GEMIN8: variants seen among roughly 807,000 people sequenced by gnomAD.
GEMIN8 encodes gem nuclear organelle associated protein 8, also known as gem-associated protein 8.
For missense variants in GEMIN8, 185 were observed against 205.9 expected (o/e 0.90, Z 0.62); for synonymous variants, 80 against 78.5 (o/e 1.02, Z -0.10).
the GEMIN8 span, among the ~76,000 whole-genome samples, chrX:14,000,470 G>A: frequency 3.6e-5 from 4 of 109,831 alleles, no homozygotes; most frequent in African/African-American, 6.6e-5. Flanking sequence ...GGTGGCGGGC[G>A]CCTGTACTCC....
rs903925031 is a variant in GEMIN8 at position 14,022,890 on chromosome X, T to C, written c.-33-1379A>G. ...TCTCTATCAGATGTTTTGCTATGGT[T>C]ATATTAAGAACTGAGATGCTAAATC... On this transcript the variant is annotated intron_variant, in intron 2 of 4. Coordinates refer to ENST00000680255, the MANE Select transcript of GEMIN8 (RefSeq NM_001042479.2). Among the ~76,000 whole-genome samples, 11 of 112,666 alleles carry C rather than the reference T, an allele frequency of 9.8e-5. No homozygotes were observed. The East Asian group carries it at 2.8e-3, about 28-fold the overall frequency.
At chrX:14,003,383 C>T (rs968258640), downstream of GEMIN8, among the ~76,000 whole-genome samples, 1 of 112,707 alleles carries the variant, frequency 8.9e-6, no homozygotes, top group Non-Finnish European at 1.9e-5. Flanking sequence ...TGGTTAATTT[C>T]TCTGTGCTTC....
At chrX:13,988,526 C>A in the GEMIN8 span, among the ~76,000 whole-genome samples, 1 of 107,546 alleles carries the variant, frequency 9.3e-6, no homozygotes, top group Non-Finnish European at 1.9e-5. Flanking sequence ...CTCATCTGTA[C>A]CACCAGGTAG....
chrX:14,028,782 C>A (rs1160629089), intron 1 of GEMIN8, among the ~76,000 whole-genome samples: 1 of 112,343 alleles, frequency 8.9e-6, no homozygotes, highest in African/African-American at 3.2e-5. Flanking sequence ...TTCCAAGTTA[C>A]TAACCAGCAG....
intron 4 of GEMIN8, among the ~76,000 whole-genome samples, chrX:14,017,304 T>C (rs1332401948): frequency 1.8e-5 from 2 of 111,380 alleles, no homozygotes; most frequent in African/African-American, 6.5e-5. Context: ...TACTGGAAAA[T>C]GAGGTTCAAG....
downstream of GEMIN8, among the ~76,000 whole-genome samples, chrX:14,003,104 C>T (rs1477495880): frequency 8.9e-6 from 1 of 112,134 alleles, no homozygotes; most frequent in Non-Finnish European, 1.9e-5. Context: ...CTGCCTTAGC[C>T]TCAGTTATAA....
chrX:13,987,434 G>A, the GEMIN8 span, among the ~76,000 whole-genome samples: 3 of 111,493 alleles, frequency 2.7e-5, no homozygotes, highest in Admixed American at 1.9e-4. Flanking sequence ...TCTGGGCTTT[G>A]GGTCCTCTGT....
At chrX:14,029,138 T>C (rs1433461079) in intron 1 of GEMIN8, among the ~76,000 whole-genome samples, 4 of 112,174 alleles carry the variant, frequency 3.6e-5, no homozygotes, top group Non-Finnish European at 7.5e-5. Flanking sequence ...CGTTGGCCAC[T>C]GGTTCAATTA....
chrX:14,018,766 C>CTTTTTTT (rs58528171), intron 4 of GEMIN8, among the ~76,000 whole-genome samples: 2 of 91,886 alleles, frequency 2.2e-5, no homozygotes, highest in East Asian at 3.4e-4. Flanking sequence ...CTTTTCTTTT[C>CTTTTTTT]TTTTTTTTTT....
chrX:14,006,360 C>T (rs1255236415), downstream of GEMIN8, among the ~76,000 whole-genome samples: 2 of 110,641 alleles, frequency 1.8e-5, no homozygotes, highest in Non-Finnish European at 3.8e-5. Flanking sequence ...GCTCTGCATG[C>T]CCATCTACTC....
chrX:14,020,051 C>T, intron 4 of GEMIN8, 27 bp downstream of exon 4: 1 of 892,420 alleles, frequency 1.1e-6, no homozygotes, highest in Non-Finnish European at 1.6e-6. Flanking sequence ...GGAAAGGAAG[C>T]ATGAAGAGAC....
Position 14,008,835 on chromosome X carries a change from A to C in GEMIN8, c.*78T>G. 1.0e-6 allele frequency: 1 copy of C among 991,586 alleles called. No homozygotes were observed. Among genetic ancestry groups the C allele is most frequent in the Non-Finnish European group, 1.4e-6 (1 of 714,233 alleles). 81.7% of individuals were successfully genotyped at this position (991,586 alleles called of 1,213,427 possible). A position where few individuals can be genotyped will look rare whatever the true frequency, so the allele number is the denominator to read the frequency against. ...CCCCAGTACAAAGTCCCCTTTCCCT[A>C]AGAAATGTACAGAAGGAGAGATAAA... On this transcript the variant is annotated 3_prime_UTR_variant, in exon 5 of 5. Coordinates refer to ENST00000680255, the MANE Select transcript of GEMIN8 (RefSeq NM_001042479.2).
intron 2 of GEMIN8, among the ~76,000 whole-genome samples, chrX:14,024,159 G>A (rs1924541314): frequency 8.9e-6 from 1 of 112,231 alleles, no homozygotes; most frequent in Non-Finnish European, 1.9e-5. Flanking sequence ...GAGTTCAAGG[G>A]TAATTGATGA....
intron 4 of GEMIN8, chrX:14,014,347 G>A: frequency 1.3e-6 from 1 of 751,645 alleles, no homozygotes; most frequent in Non-Finnish European, 1.6e-6. Context: ...CAGCAGAACT[G>A]GAGCCATTTC....
intron 4 of GEMIN8, among the ~76,000 whole-genome samples, chrX:14,012,652 A>G (rs1035270642): frequency 8.9e-6 from 1 of 112,107 alleles, no homozygotes; most frequent in African/African-American, 3.2e-5. Flanking sequence ...GCCTGACACA[A>G]AGCAGATGCT....
the GEMIN8 span, among the ~76,000 whole-genome samples, chrX:13,999,165 C>A: frequency 1.8e-5 from 2 of 111,153 alleles, no homozygotes; most frequent in Non-Finnish European, 3.8e-5. Flanking sequence ...CACCCTTACT[C>A]AGTTACCCTC....
chrX:14,022,054 ATATG>A (rs1236449324), intron 2 of GEMIN8, among the ~76,000 whole-genome samples: 2 of 102,362 alleles, frequency 2.0e-5, no homozygotes, highest in Non-Finnish European at 4.0e-5. Flanking sequence ...ATGTGTATAT[ATATG>A]TGTGTGTGTG....
At chrX:14,012,837 C>T (rs1207336574) in intron 4 of GEMIN8, among the ~76,000 whole-genome samples, 1 of 103,634 alleles carries the variant, frequency 9.6e-6, no homozygotes, top group Non-Finnish European at 2.0e-5. Context: ...TTCCTCAGAG[C>T]CTCCCAGGCA....
chrX:13,997,666 G>A, the GEMIN8 span, among the ~76,000 whole-genome samples: 4 of 111,882 alleles, frequency 3.6e-5, no homozygotes, highest in Non-Finnish European at 5.6e-5. Context: ...AGGCTGAGGC[G>A]GGCGGATCAC....
Sources: allele counts gnomAD v4.1 joint callset (sites outside exome capture counted in the v4.1 genomes callset), GRCh38; gene constraint gnomAD v4.1.1; transcripts MANE v1.5; gene names NCBI Gene and HGNC (gene_info 2026-07-23, HGNC 2026-07-21).